PITPNM2: variants seen among roughly 807,000 people sequenced by gnomAD.
PITPNM2 encodes the protein phosphatidylinositol transfer protein membrane associated 2.
A neutral mutation model predicts 132.2 loss-of-function variants in PITPNM2; 35 were observed. That is an observed-to-expected ratio of 0.26 (90% CI 0.20 to 0.35). PITPNM2 has a LOEUF of 0.35. Ranked by LOEUF, PITPNM2 falls within the 10% of genes least tolerant of loss-of-function variation. The pLI is 1.00. For synonymous variants in PITPNM2, 738 were observed against 799.2 expected, an observed-to-expected ratio of 0.92 and a Z score of 1.29; for missense variants, 1,332 against 1,912.0, an observed-to-expected ratio of 0.70 and a Z score of 5.66.
chr12:123,032,450 C>T (rs1401553623), intron 3 of PITPNM2, among the ~76,000 whole-genome samples: 3 of 152,110 alleles, frequency 2.0e-5, no homozygotes, highest in Non-Finnish European at 4.4e-5. Flanking sequence ...GCACTCCAGC[C>T]TGGCGACAGA....
At chr12:123,143,876 G>A (rs2043557523) in intron 1 of PITPNM2, among the ~76,000 whole-genome samples, 1 of 152,184 alleles carries the variant, frequency 6.6e-6, no homozygotes, top group African/African-American at 2.4e-5. Flanking sequence ...TCATCCCGCA[G>A]CTCCAGTCTT....
At position 123,000,989 on chromosome 12, in the gene PITPNM2, A is replaced by G; in HGVS notation, c.1153+65T>C. The stretch of plus-strand genomic sequence containing the variant: ...CAGCACTGTGCAGAAGCTGGTCAGA[A>G]AGGAGGGGGCTGAAGCCCTGCAACC... On this transcript the variant is annotated intron_variant, in intron 9 of 25. Coordinates refer to ENST00000320201, the MANE Select transcript of PITPNM2 (RefSeq NM_020845.3). This position sits in a 1 kb window ranked among gnomAD's most constrained non-coding sequence, Gnocchi z 5.4. 7.1e-6 allele frequency: 11 copies of G among 1,551,832 alleles called. No individual in the cohort carries two copies. Among genetic ancestry groups the G allele is most frequent in the Non-Finnish European group, 9.8e-6 (11 of 1,123,746 alleles).
intron 1 of PITPNM2, among the ~76,000 whole-genome samples, chr12:123,129,372 T>A (rs895647951): frequency 6.6e-6 from 1 of 151,834 alleles, no homozygotes; most frequent in Non-Finnish European, 1.5e-5. Context: ...ATCGAGACCA[T>A]CCTGGCTAAC....
At position 123,009,767 on chromosome 12, in the gene PITPNM2, A is replaced by AGAGAGGAGGCAGACAGGCAGGT. The variant is rs1328643696; in HGVS notation, c.643+61_643+82dup. 6.9e-6 allele frequency: 9 copies of AGAGAGGAGGCAGACAGGCAGGT among 1,302,390 alleles called. No homozygotes were observed. The African/African-American group carries it at 1.2e-4, about 17-fold the overall frequency. The allele number at this position is 1,302,390 out of a possible 1,614,324, so 80.7% of individuals were successfully genotyped here. On this transcript the variant is annotated intron_variant, in intron 6 of 25. Transcript: ENST00000320201. This position sits in a 1 kb window ranked among gnomAD's most constrained non-coding sequence, Gnocchi z 4.8. The stretch of plus-strand genomic sequence containing the variant: ...CGCAGACTCCCAGGCAGACATGCAA[A>AGAGAGGAGGCAGACAGGCAGGT]GAGAGGAGGCAGACAGGCAGGTGAC...
At chr12:123,065,408 C>CAG (rs2041380150) in intron 2 of PITPNM2, among the ~76,000 whole-genome samples, 1 of 152,208 alleles carries the variant, frequency 6.6e-6, no homozygotes, top group Non-Finnish European at 1.5e-5. Context: ...AGGTGCACAG[C>CAG]AGACACTGGA....
chr12:123,128,875 G>A (rs761454235), intron 1 of PITPNM2, among the ~76,000 whole-genome samples: 49 of 152,108 alleles, frequency 3.2e-4, no homozygotes, highest in Non-Finnish European at 5.4e-4. Context: ...GTGGGCTCAC[G>A]CCTGTAATCT....
At chr12:123,007,407 G>A (rs1382166773) in intron 6 of PITPNM2, 3 of 456,470 alleles carry the variant, frequency 6.6e-6, no homozygotes, top group South Asian at 4.6e-5. Flanking sequence ...AACAGGCATG[G>A]GGATTTCTCC....
chr12:122,991,758 C>T lies in PITPNM2; in HGVS notation c.2404+741G>A, dbSNP rs762225537. On this transcript the variant is annotated intron_variant, in intron 16 of 25. Coordinates refer to ENST00000320201, the MANE Select transcript of PITPNM2 (RefSeq NM_020845.3). ...ACGAGCAGGGGAGGGTACACACACT[C>T]GGCACAGCCCGGGCGGGGCCCGTCT... The T allele has an allele frequency of 1.3e-5, 17 of 1,297,144 alleles. No homozygotes were observed. Among genetic ancestry groups the T allele is most frequent in the African/African-American group, 9.0e-5 (6 of 66,372 alleles). 80.4% of individuals were successfully genotyped at this position (1,297,144 alleles called of 1,614,324 possible).
At chr12:123,028,974 G>T (rs1425578909) in intron 3 of PITPNM2, among the ~76,000 whole-genome samples, 2 of 152,170 alleles carry the variant, frequency 1.3e-5, no homozygotes, top group African/African-American at 4.8e-5. Context: ...CTCCAAGTCG[G>T]GGTGGCCTGA....
chr12:123,117,622 G>C lies in PITPNM2; in HGVS notation c.-199-7134C>G, dbSNP rs1013486223. 2.0e-5 allele frequency among the ~76,000 whole-genome samples: 3 copies of C among 152,194 alleles called. No individual in the cohort carries two copies. Among genetic ancestry groups the C allele is most frequent in the African/African-American group, 7.2e-5 (3 of 41,450 alleles). On this transcript the variant is annotated intron_variant, in intron 1 of 25. Coordinates refer to ENST00000320201, the MANE Select transcript of PITPNM2 (RefSeq NM_020845.3). The surrounding 1 kb of genome is among the most constrained non-coding windows in gnomAD (Gnocchi z 4.7). Reference sequence around the variant, plus strand: ...AGGGAATACTGACCTGTAATCCAAAGCCCTGCATCAAGTCCAATGACTTGC... The same window carrying C: ...AGGGAATACTGACCTGTAATCCAAACCCCTGCATCAAGTCCAATGACTTGC...
chr12:123,029,827 C>CTG (rs57222285), intron 3 of PITPNM2, among the ~76,000 whole-genome samples: 13,261 of 135,490 alleles, frequency 0.098, 777 homozygotes, highest in Non-Finnish European at 0.13. Context: ...ACATATGTGT[C>CTG]TGTGTGTGTG....
chr12:123,065,096 C>G (rs1409402689), intron 2 of PITPNM2, among the ~76,000 whole-genome samples: 2 of 152,242 alleles, frequency 1.3e-5, no homozygotes, highest in South Asian at 4.1e-4. Flanking sequence ...GCTGGAGGCC[C>G]CTGGACGGCT....
In PITPNM2 at chr12:123,000,377, A is replaced by G. The variant is rs778742847; in HGVS notation, c.1224+401T>C. ...CGGGGCCATCTTGTCGGCCACGGCC[A>G]CATCACTTCTGCCTAGACGACTGTC... is the stretch of plus-strand genomic sequence containing the variant. On this transcript the variant is annotated intron_variant, in intron 10 of 25. Coordinates refer to ENST00000320201, the MANE Select transcript of PITPNM2 (RefSeq NM_020845.3). The surrounding 1 kb of genome is among the most constrained non-coding windows in gnomAD (Gnocchi z 5.4). 1.1e-5 allele frequency: 8 copies of G among 701,760 alleles called. No homozygotes were observed. Among genetic ancestry groups the G allele is most frequent in the South Asian group, 1.0e-4 (7 of 67,546 alleles). The allele number at this position is 701,760 out of a possible 1,614,324, so 43.5% of individuals were successfully genotyped here.
chr12:123,054,748 C>T (rs11061599), intron 2 of PITPNM2, among the ~76,000 whole-genome samples: 1 of 152,188 alleles, frequency 6.6e-6, no homozygotes, highest in African/African-American at 2.4e-5. Flanking sequence ...CTGAGCAAAC[C>T]CTTTCCTCCT....
chr12:123,053,174 C>T (rs187787869), intron 2 of PITPNM2, among the ~76,000 whole-genome samples: 14 of 152,118 alleles, frequency 9.2e-5, no homozygotes, highest in African/African-American at 3.4e-4. Flanking sequence ...TGTAAGCCAC[C>T]TTGCCTGGCC....
At position 123,009,775 on chromosome 12, in the gene PITPNM2, G is replaced by C; in HGVS notation, c.643+75C>G. ...CCCAGGCAGACATGCAAAGAGAGGA[G>C]GCAGACAGGCAGGTGACAGGAGACA... On this transcript the variant is annotated intron_variant, in intron 6 of 25. Transcript: ENST00000320201. This position sits in a 1 kb window ranked among gnomAD's most constrained non-coding sequence, Gnocchi z 4.8. The C allele has an allele frequency of 7.4e-7, 1 of 1,351,198 alleles. No individual in the cohort carries two copies. Among genetic ancestry groups the C allele is most frequent in the Non-Finnish European group, 1.1e-6 (1 of 947,402 alleles). 83.7% of individuals were successfully genotyped at this position (1,351,198 alleles called of 1,614,324 possible). A position where few individuals can be genotyped will look rare whatever the true frequency, so the allele number is the denominator to read the frequency against.
intron 2 of PITPNM2, among the ~76,000 whole-genome samples, chr12:123,071,850 C>T (rs994723929): frequency 5.9e-5 from 9 of 152,292 alleles, no homozygotes; most frequent in African/African-American, 2.2e-4. Context: ...AAAACCCGAG[C>T]CTATATGACT....
At chr12:123,074,515 T>C (rs1250831180) in intron 2 of PITPNM2, among the ~76,000 whole-genome samples, 1 of 151,562 alleles carries the variant, frequency 6.6e-6, no homozygotes, top group African/African-American at 2.4e-5. Context: ...CATGTCCATA[T>C]GCACACAACA....
intron 2 of PITPNM2, among the ~76,000 whole-genome samples, chr12:123,069,980 G>A (rs1311154924): frequency 2.0e-5 from 3 of 152,148 alleles, no homozygotes; most frequent in African/African-American, 7.2e-5. Context: ...GTGGGGCTCT[G>A]CACCCGGTGC....
Sources: allele counts gnomAD v4.1 joint callset (sites outside exome capture counted in the v4.1 genomes callset), GRCh38; gene constraint gnomAD v4.1.1; non-coding constraint Gnocchi (gnomAD v3.1); transcripts MANE v1.5; gene names NCBI Gene and HGNC (gene_info 2026-07-23, HGNC 2026-07-21).